Variants in BCKDHB observed in about 807,000 individuals in gnomAD.
The protein encoded by BCKDHB is 2-oxoisovalerate dehydrogenase subunit beta, mitochondrial.
Under a neutral mutation model 48.5 loss-of-function variants are expected in BCKDHB, and 41 were observed. The ratio of observed to expected loss-of-function variants is 0.85; its 90% CI spans 0.66 to 1.10. BCKDHB has a LOEUF of 1.10. Among genes scored for constraint, BCKDHB ranks in the 50% least tolerant of loss-of-function variants. The probability of loss-of-function intolerance (pLI) is 0.00; values close to 1 mark genes in which losing one functional copy is unlikely to be tolerated. For synonymous variants in BCKDHB, 201 were observed against 174.8 expected, an observed-to-expected ratio of 1.15 and a Z score of -1.18; for missense variants, 496 against 494.2, an observed-to-expected ratio of 1.00 and a Z score of -0.03.
intron 3 of BCKDHB, among the ~76,000 whole-genome samples, chr6:80,146,822 G>A (rs1424237470): frequency 6.6e-6 from 1 of 152,090 alleles, no homozygotes; most frequent in Non-Finnish European, 1.5e-5. Context: ...AGAATCTGGA[G>A]GTTAATTCTC....
At chr6:80,391,676 A>G in the BCKDHB span, among the ~76,000 whole-genome samples, 5 of 152,180 alleles carry the variant, frequency 3.3e-5, no homozygotes, top group Admixed American at 6.5e-5. Flanking sequence ...GTAATTTGTT[A>G]CAGCATTCCT....
At chr6:80,138,322 T>G (rs993402169) in intron 3 of BCKDHB, among the ~76,000 whole-genome samples, 25 of 152,148 alleles carry the variant, frequency 1.6e-4, no homozygotes, top group Non-Finnish European at 2.6e-4. Flanking sequence ...CTTTAAGTTT[T>G]AGGGTACATA....
intron 9 of BCKDHB, among the ~76,000 whole-genome samples, chr6:80,312,785 T>G (rs1289118716): frequency 6.6e-6 from 1 of 152,248 alleles, no homozygotes; most frequent in Non-Finnish European, 1.5e-5. Context: ...GAAGCCAGCT[T>G]GATTATGATC....
chr6:80,308,905 T>C (rs1258509322), intron 9 of BCKDHB, among the ~76,000 whole-genome samples: 1 of 151,998 alleles, frequency 6.6e-6, no homozygotes, highest in Non-Finnish European at 1.5e-5. Flanking sequence ...TAACTTGCCT[T>C]GCCATTCACA....
intron 6 of BCKDHB, among the ~76,000 whole-genome samples, chr6:80,195,533 T>C (rs189013095): frequency 6.6e-6 from 1 of 152,338 alleles, no homozygotes; most frequent in Admixed American, 6.5e-5. Context: ...TTATCAGTTT[T>C]ATACAGAAAA....
At chr6:80,369,450 A>G in the BCKDHB span, among the ~76,000 whole-genome samples, 3 of 152,246 alleles carry the variant, frequency 2.0e-5, no homozygotes, top group Non-Finnish European at 4.4e-5. Context: ...AGAACTAATA[A>G]AGAAAGATGG....
the BCKDHB span, among the ~76,000 whole-genome samples, chr6:80,452,627 A>G: frequency 0.89 from 136,100 of 152,208 alleles, 61,063 homozygotes; most frequent in East Asian, 0.95. Flanking sequence ...TACTCACAGA[A>G]GCATTCTTTA....
chr6:80,122,844 C>G (rs990185217), intron 1 of BCKDHB, among the ~76,000 whole-genome samples: 29 of 152,054 alleles, frequency 1.9e-4, no homozygotes, highest in Non-Finnish European at 2.9e-5. Context: ...AATTTACCAG[C>G]TTGGAGTTTT....
chr6:80,265,127 C>T (rs1276345388), intron 8 of BCKDHB, among the ~76,000 whole-genome samples: 2 of 152,034 alleles, frequency 1.3e-5, no homozygotes, highest in Non-Finnish European at 2.9e-5. Flanking sequence ...AATGGTATAG[C>T]CTCTGTGGAA....
At chr6:80,422,619 A>T in the BCKDHB span, among the ~76,000 whole-genome samples, 1 of 152,196 alleles carries the variant, frequency 6.6e-6, no homozygotes, top group East Asian at 1.9e-4. Context: ...AGGCCTTAGG[A>T]GTGCACTTCT....
At chr6:80,123,067 T>A (rs1396399567) in intron 1 of BCKDHB, among the ~76,000 whole-genome samples, 1 of 150,234 alleles carries the variant, frequency 6.7e-6, no homozygotes, top group Non-Finnish European at 1.5e-5. Context: ...CCTACTTGCA[T>A]GTCCGTTTAT....
At chr6:80,235,291 G>A (rs1776104428) in intron 8 of BCKDHB, among the ~76,000 whole-genome samples, 1 of 152,224 alleles carries the variant, frequency 6.6e-6, no homozygotes, top group East Asian at 1.9e-4. Flanking sequence ...CAACTGTTAT[G>A]TGTCAATAAA....
At chr6:80,218,303 T>C (rs934240505) in intron 8 of BCKDHB, among the ~76,000 whole-genome samples, 6 of 152,088 alleles carry the variant, frequency 3.9e-5, no homozygotes, top group African/African-American at 1.4e-4. Context: ...TTTTTTTATA[T>C]TCTACCTTGG....
the BCKDHB span, among the ~76,000 whole-genome samples, chr6:80,376,588 T>C: frequency 3.3e-5 from 5 of 151,998 alleles, no homozygotes; most frequent in Non-Finnish European, 7.4e-5. Context: ...AAGTTCACAA[T>C]GTGAATTTCT....
intron 4 of BCKDHB, among the ~76,000 whole-genome samples, chr6:80,168,239 C>G (rs1048273832): frequency 2.0e-5 from 3 of 151,592 alleles, no homozygotes; most frequent in African/African-American, 7.3e-5. Flanking sequence ...GAACTGTGAT[C>G]GCAGCACTGC....
chr6:80,383,582 A>G, the BCKDHB span, among the ~76,000 whole-genome samples: 7 of 152,094 alleles, frequency 4.6e-5, no homozygotes, highest in South Asian at 2.1e-4. Context: ...TAAATATTCA[A>G]TTTATTTAAA....
intron 9 of BCKDHB, among the ~76,000 whole-genome samples, chr6:80,323,438 C>T (rs1323643514): frequency 1.3e-5 from 2 of 152,052 alleles, no homozygotes; most frequent in Non-Finnish European, 2.9e-5. Context: ...TATCGCCTCC[C>T]AACATACATG....
intron 8 of BCKDHB, among the ~76,000 whole-genome samples, chr6:80,262,460 A>G (rs1777347819): frequency 6.6e-6 from 1 of 152,150 alleles, no homozygotes; most frequent in Admixed American, 6.6e-5. Flanking sequence ...CAGAACTGAG[A>G]TTCCTTATTT....
the BCKDHB span, among the ~76,000 whole-genome samples, chr6:80,370,202 C>A: frequency 1.3e-5 from 2 of 151,774 alleles, no homozygotes; most frequent in South Asian, 2.1e-4. Flanking sequence ...GTACATAGTC[C>A]AGTTAAAAAA....
Sources: gnomAD v4.1 joint callset for allele counts (sites outside exome capture counted in the v4.1 genomes callset) on GRCh38, gnomAD v4.1.1 for gene constraint, MANE v1.5 for transcripts, NCBI Gene and HGNC (gene_info 2026-07-23, HGNC 2026-07-21) for gene names.